The following FTCD variants were observed in gnomAD, a reference collection of about 807,000 sequenced individuals.
The protein encoded by FTCD is formimidoyltransferase-cyclodeaminase.
A neutral mutation model predicts 62.9 loss-of-function variants in FTCD; 76 were observed. The observed-to-expected ratio is 1.21, with a 90% CI of 1.00 to 1.46. FTCD has a LOEUF of 1.46. Among genes scored for constraint, FTCD ranks in the 40% most tolerant of loss-of-function variants. The pLI is 0.00. For synonymous variants in FTCD, 397 were observed against 336.9 expected (o/e 1.18, Z -1.95); for missense variants, 845 against 751.3 (o/e 1.12, Z -1.46).
chr21:46,151,219 G>A (rs984980148), intron 5 of FTCD, among the ~76,000 whole-genome samples: 3 of 152,184 alleles, frequency 2.0e-5, no homozygotes, highest in Admixed American at 2.0e-4. Flanking sequence ...GGCATCTGGA[G>A]GGATATGGGG....
At chr21:46,140,366 T>C (rs1306870254) in intron 10 of FTCD, among the ~76,000 whole-genome samples, 1 of 135,220 alleles carries the variant, frequency 7.4e-6, no homozygotes. Context: ...CACTCCCCCG[T>C]CCACCTTCAC....
At chr21:46,150,341 C>T in intron 6 of FTCD, 47 bp downstream of exon 6, 1 of 1,611,622 alleles carries the variant, frequency 6.2e-7, no homozygotes, top group South Asian at 1.1e-5. Flanking sequence ...GCCCACGGGA[C>T]AGATCGGCTC....
chr21:46,148,262 A>G (rs1035170817), intron 7 of FTCD, among the ~76,000 whole-genome samples: 2 of 152,196 alleles, frequency 1.3e-5, no homozygotes, highest in African/African-American at 4.8e-5. Context: ...GCACCCTGAG[A>G]AAATGAGCAT....
At chr21:46,152,142 T>C (rs2079304087) in intron 3 of FTCD, 162 bp from the exon 4 acceptor site, 1 of 593,932 alleles carries the variant, frequency 1.7e-6, no homozygotes, top group East Asian at 2.8e-5. Flanking sequence ...TGGATGCGGG[T>C]GGTCCCAGTG....
At chr21:46,155,389 C>T in intron 1 of FTCD, 81 bp downstream of exon 1, 1 of 1,200,400 alleles carries the variant, frequency 8.3e-7, no homozygotes, top group Non-Finnish European at 1.2e-6. Context: ...ACCAAGCCCA[C>T]CACCTCCTCC....
At chr21:46,137,638 G>A (rs1393841126) in intron 12 of FTCD, among the ~76,000 whole-genome samples, 1 of 152,006 alleles carries the variant, frequency 6.6e-6, no homozygotes, top group African/African-American at 2.4e-5. Context: ...CCCCTGGAGG[G>A]CCCCCGGAGG....
intron 3 of FTCD, 90 bp from the exon 4 acceptor site, chr21:46,152,070 C>G (rs1255315170): frequency 4.4e-6 from 4 of 908,316 alleles, no homozygotes; most frequent in South Asian, 3.0e-5. Context: ...TCCCTCCAGC[C>G]TAACCCAGGA....
intron 12 of FTCD, among the ~76,000 whole-genome samples, chr21:46,138,101 G>A (rs1235590767): frequency 6.6e-6 from 1 of 152,042 alleles, no homozygotes; most frequent in Non-Finnish European, 1.5e-5. Flanking sequence ...ATGTTGCCCA[G>A]GCTGGTCTCG....
rs139889294 is a variant in FTCD at position 46,154,993 on chromosome 21, C to G, written c.54+477G>C. ...GGCCGGACCTGGGGGCCTGCTGCCC[C>G]CTCTGTGCCTACTTCGTTTTGGGTC... On this transcript the variant is annotated intron_variant, in intron 1 of 13. Coordinates refer to ENST00000397746, the MANE Select transcript of FTCD (RefSeq NM_206965.2). 4.4e-3 allele frequency among the ~76,000 whole-genome samples: 665 copies of G among 152,312 alleles called. 2 individuals are homozygous for G. The highest frequency in any genetic ancestry group is 0.015 in the African/African-American group (618 of 41,568).
Position 46,152,927 on chromosome 21 carries a change from G to A in FTCD, c.347C>T (p.Ala116Val), listed in dbSNP as rs2079329988. 1 of 1,567,108 alleles carries A rather than the reference G, an allele frequency of 6.4e-7. No individual in the cohort carries two copies. The highest frequency in any genetic ancestry group is 8.6e-7 in the Non-Finnish European group (1 of 1,156,274). ...CTCACCTGGCACGTCCAGCTCCTCTGCCAGCCTCTGGCCAAAGGCCTGGGC... is the reference window on the plus strand; with the variant it reads ...CTCACCTGGCACGTCCAGCTCCTCTACCAGCCTCTGGCCAAAGGCCTGGGC... ...LCAQAFGQRL[A>V]EELDVPVYLY... Residue 116 changes from alanine to valine, a missense_variant, in exon 3 of 14, where the codon GCA becomes GTA. Physicochemically the swap from Ala to Val is moderately conservative, Grantham distance 64. Coordinates refer to ENST00000397746, the MANE Select transcript of FTCD (RefSeq NM_206965.2).
intron 10 of FTCD, among the ~76,000 whole-genome samples, chr21:46,143,601 G>T (rs1036836472): frequency 1.3e-5 from 2 of 152,164 alleles, no homozygotes; most frequent in African/African-American, 2.4e-5. Flanking sequence ...GCCATACACA[G>T]ATAGGAGTTG....
rs2067529779 is a variant in FTCD, at chr21:46,154,043, T to C, written c.238+106A>G. ...AGAGCCAGCCCCACTGGACCCCACG[T>C]TCCAAGCCTGGGCCCCGGGCCTACC... is the stretch of plus-strand genomic sequence containing the variant. On this transcript the variant is annotated intron_variant, in intron 2 of 13. Transcript: ENST00000397746. The C allele has an allele frequency of 1.2e-5, 15 of 1,209,732 alleles. No individual in the cohort carries two copies. The South Asian group carries it at 1.8e-4, about 15-fold the overall frequency. 74.9% of individuals were successfully genotyped at this position (1,209,732 alleles called of 1,614,324 possible). A position where few individuals can be genotyped will look rare whatever the true frequency, so the allele number is the denominator to read the frequency against.
At chr21:46,138,223 G>A (rs192488540) in intron 12 of FTCD, among the ~76,000 whole-genome samples, 12 of 152,316 alleles carry the variant, frequency 7.9e-5, no homozygotes, top group African/African-American at 2.9e-4. Flanking sequence ...AAGACAGTGG[G>A]GGTGATACAA....
chr21:46,151,702 G>A lies in FTCD; in HGVS notation c.492C>T (p.Pro164=), dbSNP rs2079280686. ...QQADWAPDFG[P]SSFVPSWGAT... ...CCCCCCAACTGGGGACAAAGGAGCT[G>A]GGACCAAAGTCGGGCGCCCAGTCGG... Residue 164 remains proline, a synonymous_variant, in exon 5 of 14, where the codon CCC becomes CCT. Coordinates refer to ENST00000397746, the MANE Select transcript of FTCD (RefSeq NM_206965.2). 9 of 1,612,872 alleles carry A rather than the reference G, an allele frequency of 5.6e-6. No homozygotes were observed. The East Asian group carries it at 2.0e-4, about 36-fold the overall frequency.
At chr21:46,151,049 G>A (rs1452902535) in intron 5 of FTCD, among the ~76,000 whole-genome samples, 3 of 152,212 alleles carry the variant, frequency 2.0e-5, no homozygotes, top group Non-Finnish European at 4.4e-5. Context: ...TTGTGGGACC[G>A]GGGTCTCTGA....
At chr21:46,145,309 G>C (rs2079113248) in intron 10 of FTCD, 108 bp downstream of exon 10, 1 of 923,296 alleles carries the variant, frequency 1.1e-6, no homozygotes, top group African/African-American at 1.7e-5. Flanking sequence ...GGCCCCTCCT[G>C]GTCCCCAGCC....
chr21:46,153,580 C>T (rs926105522), intron 2 of FTCD, among the ~76,000 whole-genome samples: 17 of 152,222 alleles, frequency 1.1e-4, no homozygotes, highest in Non-Finnish European at 2.4e-4. Flanking sequence ...CGCCAGCCTC[C>T]CCCGCCTTTG....
Position 46,150,433 on chromosome 21 carries a change from G to A in FTCD, c.729C>T (p.Val243=). 3.1e-6 allele frequency: 5 copies of A among 1,613,064 alleles called. No homozygotes were observed. The highest frequency in any genetic ancestry group is 3.4e-6 in the Non-Finnish European group (4 of 1,179,852). ...QVSTNLLDFE[V]TALHTVYEET... The stretch of plus-strand genomic sequence containing the variant: ...CCTCGTAGACCGTGTGCAGTGCCGT[G>A]ACCTCAAAGTCCAGAAGATTGGTGG... Residue 243 remains valine, a synonymous_variant, in exon 6 of 14, where the codon GTC becomes GTT. Transcript: ENST00000397746.
chr21:46,142,683 T>G (rs1318904768), intron 10 of FTCD: 1 of 152,300 alleles, frequency 6.6e-6, no homozygotes, highest in East Asian at 1.9e-4. Flanking sequence ...CCCCCACAGC[T>G]TGGAACAGAA....
Sources: gnomAD v4.1 joint callset for allele counts (sites outside exome capture counted in the v4.1 genomes callset) on GRCh38, gnomAD v4.1.1 for gene constraint, MANE v1.5 for transcripts, NCBI Gene and HGNC (gene_info 2026-07-23, HGNC 2026-07-21) for gene names.